The following ACSF3 variants were observed in gnomAD, a reference collection of about 807,000 sequenced individuals.
ACSF3 encodes acyl-CoA synthetase family member 3.
Under a neutral mutation model 53.2 loss-of-function variants are expected in ACSF3, and 78 were observed. The ratio of observed to expected loss-of-function variants is 1.47; its 90% confidence interval spans 1.22 to 1.77. The LOEUF (loss-of-function observed/expected upper bound fraction) is 1.77. ACSF3 is among the 40% of genes most tolerant of loss of function. ACSF3 has a pLI of 0.00. For missense variants in ACSF3, 937 were observed against 771.1 expected, an observed-to-expected ratio of 1.22 and a Z score of -2.55; for synonymous variants, 414 against 333.1, an observed-to-expected ratio of 1.24 and a Z score of -2.65.
In ACSF3 at chr16:89,154,796, C is replaced by G. The variant is rs1021093318; in HGVS notation, c.*589C>G. ...GAGAGCAGCTCCCACTGTGGGGACA[C>G]CTGCCACCCTGCACACTACTGTGTG... On this transcript the variant is annotated 3_prime_UTR_variant, in exon 11 of 11. Transcript: ENST00000614302. 8.8e-6 allele frequency: 4 copies of G among 454,036 alleles called. No individual in the cohort carries two copies. The highest frequency in any genetic ancestry group is 1.3e-5 in the Non-Finnish European group (3 of 226,802). 28.1% of individuals were successfully genotyped at this position (454,036 alleles called of 1,614,324 possible).
chr16:89,127,622 T>G (rs117658388), intron 7 of ACSF3, among the ~76,000 whole-genome samples: 3,390 of 152,242 alleles, frequency 0.022, 103 homozygotes, highest in East Asian at 0.13. Flanking sequence ...CCTCCTCGCC[T>G]CCCAAAGTGC....
At chr16:89,129,403 T>G (rs903797526) in intron 7 of ACSF3, among the ~76,000 whole-genome samples, 1 of 152,242 alleles carries the variant, frequency 6.6e-6, no homozygotes, top group African/African-American at 2.4e-5. Context: ...CTCTTTGCTC[T>G]TAAGTTTACT....
intron 7 of ACSF3, among the ~76,000 whole-genome samples, chr16:89,121,702 C>T (rs1032477091): frequency 2.6e-5 from 4 of 152,184 alleles, no homozygotes; most frequent in African/African-American, 9.7e-5. Flanking sequence ...TGTGCATTTC[C>T]TTCTCTGTGA....
intron 10 of ACSF3, 27 bp from the exon 11 acceptor site, chr16:89,154,061 TGC>T: frequency 4.4e-6 from 7 of 1,604,966 alleles, no homozygotes; most frequent in Non-Finnish European, 6.0e-6. Context: ...GTCAGGGCAG[TGC>T]GCCTCAGGCT....
At chr16:89,106,521 G>C (rs531343683) in intron 4 of ACSF3, among the ~76,000 whole-genome samples, 1 of 152,004 alleles carries the variant, frequency 6.6e-6, no homozygotes, top group Non-Finnish European at 1.5e-5. Context: ...CTAGAACTCC[G>C]GACCTCATGA....
At chr16:89,134,174 G>A (rs187884838) in intron 8 of ACSF3, among the ~76,000 whole-genome samples, 1 of 152,236 alleles carries the variant, frequency 6.6e-6, no homozygotes, top group Non-Finnish European at 1.5e-5. Context: ...CTTCCAAAAT[G>A]GCGGCAGGCT....
chr16:89,111,479 C>T (rs370487406), intron 4 of ACSF3, among the ~76,000 whole-genome samples: 13 of 152,364 alleles, frequency 8.5e-5, no homozygotes, highest in African/African-American at 3.1e-4. Context: ...TGCCCTCCTC[C>T]CTCCGCCACA....
At chr16:89,101,496 C>G in intron 3 of ACSF3, 149 bp downstream of exon 3, 1 of 1,495,710 alleles carries the variant, frequency 6.7e-7, no homozygotes, top group Non-Finnish European at 8.9e-7. Context: ...TACAGGGACG[C>G]AGGCCCTCGG....
chr16:89,136,741 A>C, intron 8 of ACSF3: 1 of 1,287,272 alleles, frequency 7.8e-7, no homozygotes, highest in Non-Finnish European at 1.0e-6. Context: ...CTGTGCCTAC[A>C]GCCCGCTTCT....
intron 10 of ACSF3, chr16:89,150,616 C>G: frequency 4.1e-6 from 1 of 246,234 alleles, no homozygotes; most frequent in Non-Finnish European, 8.0e-6. Flanking sequence ...TGACAAGACC[C>G]TAAGACGGGA....
At chr16:89,133,437 G>A (rs909503333) in intron 8 of ACSF3, among the ~76,000 whole-genome samples, 175 bp downstream of exon 8, 1 of 152,176 alleles carries the variant, frequency 6.6e-6, no homozygotes, top group Non-Finnish European at 1.5e-5. Flanking sequence ...CTGAGCACCC[G>A]GCCTCCCCAC....
At chr16:89,113,941 G>GCAGCGCCGTGGCTGTTCACCCGTGAT in intron 5 of ACSF3, 2 of 346,148 alleles carry the variant, frequency 5.8e-6, no homozygotes, top group South Asian at 4.5e-5. Flanking sequence ...GCCGCAGCCT[G>GCAGCGCCGTGGCTGTTCACCCGTGAT]CAGCGCCGTG....
At position 89,098,157 on chromosome 16, in the gene ACSF3, G is replaced by A. The variant is rs568526507; in HGVS notation, c.-193-434G>A. On this transcript the variant is annotated intron_variant, in intron 1 of 10. Coordinates refer to ENST00000614302, the MANE Select transcript of ACSF3 (RefSeq NM_001243279.3). ...GCAAAAACCAAGGCCAGTAGTTGAG[G>A]GTCTCAAGCACAAAACATACTTTGG... Among the ~76,000 whole-genome samples, 25 of 152,284 alleles carry A rather than the reference G, an allele frequency of 1.6e-4. No homozygotes were observed. In the South Asian group the frequency reaches 5.2e-3, roughly 32 times the overall value.
At chr16:89,103,763 T>C (rs7184784) in intron 4 of ACSF3, among the ~76,000 whole-genome samples, 107,146 of 152,082 alleles carry the variant, frequency 0.7, 38,341 homozygotes, top group Admixed American at 0.78. Context: ...TGCTGTGGAG[T>C]CTCTGTCTCC....
intron 7 of ACSF3, among the ~76,000 whole-genome samples, chr16:89,131,177 A>T (rs1909248538): frequency 8.5e-6 from 1 of 117,200 alleles, no homozygotes; most frequent in South Asian, 2.7e-4. Flanking sequence ...TCCGTCACCT[A>T]GGCTGAAGTG....
At chr16:89,102,554 G>T in intron 3 of ACSF3, 50 bp from the exon 4 acceptor site, 1 of 1,608,110 alleles carries the variant, frequency 6.2e-7, no homozygotes. Flanking sequence ...GTGTGCTGTT[G>T]CGGGCCACAG....
rs1366049203 is a variant in ACSF3 at position 89,156,217 on chromosome 16, G to A, written c.*2010G>A. On this transcript the variant is annotated 3_prime_UTR_variant, in exon 11 of 11. Coordinates refer to ENST00000614302, the MANE Select transcript of ACSF3 (RefSeq NM_001243279.3). Reference sequence around the variant, plus strand: ...CATCCTCTCCTCCCTCCCCATTAAAGCCCAGTTTATTCCCCATCTTGGCCT... The same window carrying A: ...CATCCTCTCCTCCCTCCCCATTAAAACCCAGTTTATTCCCCATCTTGGCCT... Among the ~76,000 whole-genome samples the A allele has an allele frequency of 6.6e-6, 1 of 151,996 alleles. No homozygotes were observed. The highest frequency in any genetic ancestry group is 1.9e-4 in the East Asian group (1 of 5,174).
chr16:89,120,417 C>G (rs376958067), intron 6 of ACSF3, among the ~76,000 whole-genome samples: 2 of 152,240 alleles, frequency 1.3e-5, no homozygotes, highest in Admixed American at 6.5e-5. Flanking sequence ...CCCTCCCTGG[C>G]CAGCAAGTGT....
At position 89,104,350 on chromosome 16, in the gene ACSF3, C is replaced by T. The variant is rs117043929; in HGVS notation, c.822+1591C>T. Among the ~76,000 whole-genome samples, 13 of 152,348 alleles carry T rather than the reference C, an allele frequency of 8.5e-5. No homozygotes were observed. In the East Asian group the frequency reaches 2.5e-3, roughly 29 times the overall value. On this transcript the variant is annotated intron_variant, in intron 4 of 10. Transcript: ENST00000614302. The stretch of plus-strand genomic sequence containing the variant: ...AGATGCCTGGGACTGGGCTCTTGGT[C>T]TGTGCGGGGTTGTTCTGCAGGGCAG...
Sources: gnomAD v4.1 joint callset for allele counts (sites outside exome capture counted in the v4.1 genomes callset) on GRCh38, gnomAD v4.1.1 for gene constraint, MANE v1.5 for transcripts, NCBI Gene and HGNC (gene_info 2026-07-23, HGNC 2026-07-21) for gene names.